MED27: variants seen among roughly 807,000 people sequenced by gnomAD.
MED27 encodes mediator complex subunit 27, also known as mediator of RNA polymerase II transcription subunit 27.
MED27 carries 30 observed loss-of-function variants against 38.2 expected under a neutral mutation model. The ratio of observed to expected loss-of-function variants is 0.79; its 90% CI spans 0.59 to 1.07. The LOEUF (loss-of-function observed/expected upper bound fraction) is 1.07, where lower values mean the gene tolerates loss of function less well. Among genes scored for constraint, MED27 ranks in the 50% least tolerant of loss-of-function variants. The probability of loss-of-function intolerance (pLI) is 0.00; values close to 1 mark genes in which losing one functional copy is unlikely to be tolerated. For missense variants in MED27, 289 were observed against 397.5 expected, an observed-to-expected ratio of 0.73 and a Z score of 2.32; for synonymous variants, 122 against 153.5, an observed-to-expected ratio of 0.79 and a Z score of 1.52.
chr9:132,010,207 T>G (rs1349471746), intron 3 of MED27, among the ~76,000 whole-genome samples: 4 of 152,186 alleles, frequency 2.6e-5, no homozygotes, highest in Admixed American at 2.6e-4. Flanking sequence ...AGGTCTAACA[T>G]TTAAGTGGGT....
intron 2 of MED27, among the ~76,000 whole-genome samples, chr9:132,030,863 A>T (rs1243845031): frequency 6.6e-6 from 1 of 152,254 alleles, no homozygotes; most frequent in Non-Finnish European, 1.5e-5. Flanking sequence ...GCCTACAAGG[A>T]CAAAGAGAAG....
At chr9:131,884,630 T>TG (rs1220608016) in intron 5 of MED27, among the ~76,000 whole-genome samples, 6 of 144,714 alleles carry the variant, frequency 4.1e-5, no homozygotes, top group Non-Finnish European at 7.5e-5. Flanking sequence ...TTTTTTGAGA[T>TG]GGAGTCTGGC....
rs1468740568 is a variant in MED27 at position 131,913,678 on chromosome 9, T to C, written c.574-19686A>G. On this transcript the variant is annotated intron_variant, in intron 4 of 7. Coordinates refer to ENST00000292035, the MANE Select transcript of MED27 (RefSeq NM_004269.4). This position sits in a 1 kb window ranked among gnomAD's most constrained non-coding sequence, Gnocchi z 4.5. ...CATGAAGTCTCTCCAGGGGTCTGTA[T>C]TGTCCATGGCTAGGTGGCAGTAGGT... is the stretch of plus-strand genomic sequence containing the variant. Among the ~76,000 whole-genome samples the C allele has an allele frequency of 6.6e-6, 1 of 152,180 alleles. No individual in the cohort carries two copies. Among genetic ancestry groups the C allele is most frequent in the Non-Finnish European group, 1.5e-5 (1 of 68,028 alleles).
intron 3 of MED27, among the ~76,000 whole-genome samples, chr9:131,962,546 T>C (rs1483626159): frequency 1.2e-5 from 1 of 85,278 alleles, no homozygotes; most frequent in Non-Finnish European, 2.3e-5. Context: ...GCGTGTGATT[T>C]TTTTTTTTTT....
intron 4 of MED27, among the ~76,000 whole-genome samples, chr9:131,935,336 A>G (rs948482217): frequency 1.3e-5 from 2 of 152,256 alleles, no homozygotes; most frequent in African/African-American, 4.8e-5. Flanking sequence ...CATATACCCC[A>G]TAAATACATA....
chr9:131,942,265 A>G (rs1012086881), intron 3 of MED27, among the ~76,000 whole-genome samples: 7 of 152,190 alleles, frequency 4.6e-5, no homozygotes, highest in Admixed American at 1.3e-4. Context: ...AAATGCTACA[A>G]AAGGGGTGAG....
chr9:132,056,985 G>A (rs1470280061), intron 2 of MED27, among the ~76,000 whole-genome samples: 1 of 152,206 alleles, frequency 6.6e-6, no homozygotes, highest in Non-Finnish European at 1.5e-5. Flanking sequence ...AGAGACTCAT[G>A]AGGAAGCAGA....
At chr9:131,874,713 G>A (rs1838898985) in intron 6 of MED27, among the ~76,000 whole-genome samples, 1 of 152,164 alleles carries the variant, frequency 6.6e-6, no homozygotes, top group South Asian at 2.1e-4. Context: ...CTGGGTCTTT[G>A]ACCTTTCTCA....
intron 2 of MED27, among the ~76,000 whole-genome samples, chr9:132,070,391 T>C (rs567037590): frequency 3.0e-4 from 45 of 152,222 alleles, no homozygotes; most frequent in African/African-American, 1.0e-3. Context: ...CCCCCATCTC[T>C]ACAAAAAATT....
chr9:132,060,373 C>T (rs1472841709), intron 2 of MED27, among the ~76,000 whole-genome samples: 3 of 152,146 alleles, frequency 2.0e-5, no homozygotes, highest in South Asian at 2.1e-4. Context: ...TCCATGTACA[C>T]CTGTAAGATA....
chr9:132,014,491 G>A, intron 2 of MED27, 24 bp from the exon 3 acceptor site: 2 of 1,606,760 alleles, frequency 1.2e-6, no homozygotes, highest in Non-Finnish European at 1.7e-6. Flanking sequence ...CAAAACAAAA[G>A]GGGAAGAAAA....
intron 4 of MED27, among the ~76,000 whole-genome samples, chr9:131,906,939 T>C (rs1040274080): frequency 1.3e-5 from 2 of 152,190 alleles, no homozygotes; most frequent in African/African-American, 2.4e-5. Context: ...TTTTAGACTA[T>C]ATAGGTTAAC....
At chr9:132,036,695 G>A (rs1200838758) in intron 2 of MED27, among the ~76,000 whole-genome samples, 2 of 152,138 alleles carry the variant, frequency 1.3e-5, no homozygotes, top group African/African-American at 4.8e-5. Flanking sequence ...ACGTTTCATA[G>A]GGTTGTCTGT....
At chr9:131,973,107 C>A (rs1831517213) in intron 3 of MED27, among the ~76,000 whole-genome samples, 1 of 152,228 alleles carries the variant, frequency 6.6e-6, no homozygotes, top group African/African-American at 2.4e-5. Flanking sequence ...CCAATTCCTA[C>A]CTAGAAGAAA....
intron 3 of MED27, among the ~76,000 whole-genome samples, chr9:131,991,708 A>T (rs1208989223): frequency 6.6e-6 from 1 of 152,116 alleles, no homozygotes; most frequent in Non-Finnish European, 1.5e-5. Context: ...GATATCAATC[A>T]TTTATTTATT....
rs950084706 is a variant in MED27 at position 131,883,535 on chromosome 9, TG to T, written c.723+522del. 7.9e-5 allele frequency among the ~76,000 whole-genome samples: 12 copies of T among 152,080 alleles called. No individual in the cohort carries two copies. The highest frequency in any genetic ancestry group is 2.9e-4 in the African/African-American group (12 of 41,414). ...GATACAGTGTCCCCAGAGCACAAAG[TG>T]GGGAAGGGGCAGGGTGAGGGAGTGC... is the stretch of plus-strand genomic sequence containing the variant. On this transcript the variant is annotated intron_variant, in intron 6 of 7. Transcript: ENST00000292035. This position sits in a 1 kb window ranked among gnomAD's most constrained non-coding sequence, Gnocchi z 4.2.
intron 3 of MED27, among the ~76,000 whole-genome samples, chr9:131,999,998 C>T (rs1015594011): frequency 1.3e-5 from 2 of 152,000 alleles, no homozygotes; most frequent in Non-Finnish European, 2.9e-5. Context: ...CAAAATCAAT[C>T]TAAGACAGGC....
At chr9:131,995,551 C>T (rs978588477) in intron 3 of MED27, among the ~76,000 whole-genome samples, 4 of 152,122 alleles carry the variant, frequency 2.6e-5, no homozygotes, top group South Asian at 2.1e-4. Context: ...GAAATAGACA[C>T]GCCTTCCAAC....
intron 2 of MED27, among the ~76,000 whole-genome samples, chr9:132,030,885 A>G (rs1832944908): frequency 6.6e-6 from 1 of 152,254 alleles, no homozygotes; most frequent in Non-Finnish European, 1.5e-5. Flanking sequence ...GGAGACAGCA[A>G]CAGAAAGAGA....
Sources: gnomAD v4.1 joint callset for allele counts (sites outside exome capture counted in the v4.1 genomes callset) on GRCh38, gnomAD v4.1.1 for gene constraint, Gnocchi (gnomAD v3.1) non-coding constraint, MANE v1.5 for transcripts, NCBI Gene and HGNC (gene_info 2026-07-23, HGNC 2026-07-21) for gene names.